The following SMC1A variants were observed in gnomAD, a reference collection of about 807,000 sequenced individuals.
SMC1A encodes structural maintenance of chromosomes protein 1A.
Under a neutral mutation model 94.5 loss-of-function variants are expected in SMC1A, and 4 were observed. The ratio of observed to expected loss-of-function variants is 0.04; its 90% CI spans 0.02 to 0.10. SMC1A has a LOEUF of 0.10. Among genes scored for constraint, SMC1A ranks in the 10% least tolerant of loss-of-function variants. SMC1A has a pLI of 1.00. For synonymous variants in SMC1A, 345 were observed against 347.7 expected, an observed-to-expected ratio of 0.99 and a Z score of 0.09; for missense variants, 304 against 989.0, an observed-to-expected ratio of 0.31 and a Z score of 9.29.
At chrX:53,416,310 AAAAAT>A (rs1310647345) in intron 1 of SMC1A, among the ~76,000 whole-genome samples, 5 of 106,542 alleles carry the variant, frequency 4.7e-5, no homozygotes, top group African/African-American at 1.0e-4. Context: ...CTCAAAAAAA[AAAAAT>A]AAAATAAAAT....
intron 7 of SMC1A, among the ~76,000 whole-genome samples, chrX:53,410,069 G>A (rs1024901203): frequency 6.3e-5 from 7 of 111,506 alleles, no homozygotes; most frequent in Admixed American, 1.9e-4. Context: ...GTACACTCCT[G>A]GGACACTATG....
In SMC1A at chrX:53,379,386, C is replaced by T. The variant is rs1275206693; in HGVS notation, c.*717G>A. On this transcript the variant is annotated 3_prime_UTR_variant, in exon 25 of 25. Transcript: ENST00000322213. ...CTCCAGGAAGCCTAGAGGGGATCAC[C>T]CACTTCTCAAATTCAAAGTACATAT... 1 of 111,713 alleles carries T rather than the reference C, an allele frequency of 9.0e-6. No individual in the cohort carries two copies. The highest frequency in any genetic ancestry group is 2.8e-4 in the East Asian group (1 of 3,553). The allele number at this position is 111,713 out of a possible 1,213,427, so 9.2% of individuals were successfully genotyped here. A position where few individuals can be genotyped will look rare whatever the true frequency, so the allele number is the denominator to read the frequency against.
chrX:53,422,533 G>A lies in SMC1A; in HGVS notation c.68C>T (p.Pro23Leu). The change falls in exon 1 of 25, where the codon CCA (proline) becomes CTA (leucine). Residue 23 changes from proline to leucine, a missense_variant. Physicochemically the swap from Pro to Leu is moderately conservative, Grantham distance 98. This residue lies in a region of SMC1A where 8 missense variants were observed against 58.2 expected (regional missense o/e 0.14). Coordinates refer to ENST00000322213, the MANE Select transcript of SMC1A (RefSeq NM_006306.4). ...KSYKGRQIIG[P>L]FQRFTAIIGP... ...AATGATGGCGGTGAACCTCTGAAAT[G>A]GTCCGATAATCTGTCGACCCTTGTA... 8.3e-7 allele frequency: 1 copy of A among 1,206,555 alleles called. No homozygotes were observed. Among genetic ancestry groups the A allele is most frequent in the Non-Finnish European group, 1.1e-6 (1 of 890,584 alleles).
At chrX:53,385,255 G>A (rs781866083) in intron 19 of SMC1A, among the ~76,000 whole-genome samples, 814 of 77,686 alleles carry the variant, frequency 0.01, 6 homozygotes, top group Non-Finnish European at 0.021. Flanking sequence ...CTCCAGAATA[G>A]GTTTTTTTTT....
intron 24 of SMC1A, 46 bp downstream of exon 24, chrX:53,380,574 A>G: frequency 1.2e-6 from 1 of 855,550 alleles, no homozygotes; most frequent in Non-Finnish European, 1.7e-6. Flanking sequence ...TGCCCTGGGA[A>G]ATCAGGCAGG....
In SMC1A at chrX:53,403,899, G is replaced by A; in HGVS notation, c.2197-6C>T. On this transcript the variant is annotated splice_region_variant and splice_polypyrimidine_tract_variant and intron_variant, in intron 13 of 24. Coordinates refer to ENST00000322213, the MANE Select transcript of SMC1A (RefSeq NM_006306.4). ...CTCTCCAGCTTGGATTTTTCCTACAGGCAATGGGTTGAGAGGACAAAGCAG... is the reference window on the plus strand; with the variant it reads ...CTCTCCAGCTTGGATTTTTCCTACAAGCAATGGGTTGAGAGGACAAAGCAG... 1 of 1,158,810 alleles carries A rather than the reference G, an allele frequency of 8.6e-7. No individual in the cohort carries two copies. Among genetic ancestry groups the A allele is most frequent in the Non-Finnish European group, 1.2e-6 (1 of 847,117 alleles).
At chrX:53,413,851 CA>C (rs2146605939) in intron 3 of SMC1A, among the ~76,000 whole-genome samples, 1 of 110,707 alleles carries the variant, frequency 9.0e-6, no homozygotes, top group South Asian at 3.8e-4. Context: ...CTGAGGCAGG[CA>C]GATCACCTGA....
intron 1 of SMC1A, among the ~76,000 whole-genome samples, chrX:53,416,184 T>G (rs1407224784): frequency 1.9e-5 from 2 of 104,873 alleles, no homozygotes; most frequent in Non-Finnish European, 3.9e-5. Flanking sequence ...GCGCCTGTAA[T>G]CCCAGCTACT....
At chrX:53,381,992 G>A in intron 22 of SMC1A, 1 of 438,623 alleles carries the variant, frequency 2.3e-6, no homozygotes, top group Non-Finnish European at 4.0e-6. Flanking sequence ...CAAAAGCCTG[G>A]AGGCGGAACT....
At chrX:53,390,295 G>T (rs1197638854) in intron 19 of SMC1A, among the ~76,000 whole-genome samples, 3 of 107,812 alleles carry the variant, frequency 2.8e-5, no homozygotes, top group Non-Finnish European at 5.8e-5. Flanking sequence ...AGAACAGCTT[G>T]GCCAACACAG....
At chrX:53,421,253 A>G (rs2075754147) in intron 1 of SMC1A, among the ~76,000 whole-genome samples, 1 of 112,151 alleles carries the variant, frequency 8.9e-6, no homozygotes. Flanking sequence ...AGCAATGTCT[A>G]GAGACAGTTT....
At chrX:53,420,432 G>A (rs2075750168) in intron 1 of SMC1A, among the ~76,000 whole-genome samples, 1 of 106,426 alleles carries the variant, frequency 9.4e-6, no homozygotes, top group Non-Finnish European at 1.9e-5. Flanking sequence ...GCTGAGGCAC[G>A]AGAATCACTT....
Position 53,400,064 on chromosome X carries a change from A to G in SMC1A, c.2421-334T>C, listed in dbSNP as rs189160201. Among the ~76,000 whole-genome samples, 10 of 112,014 alleles carry G rather than the reference A, an allele frequency of 8.9e-5. No homozygotes were observed. The East Asian group carries it at 2.8e-3, about 31-fold the overall frequency. ...ATAAAAGAGTCCATCTGATTCTACC[A>G]GCTATGGTAATTCCTATTAGGCTTC... On this transcript the variant is annotated intron_variant, in intron 15 of 24. Transcript: ENST00000322213.
At chrX:53,406,033 A>G (rs2075689783) in intron 9 of SMC1A, 77 bp from the exon 10 acceptor site, 2 of 931,884 alleles carry the variant, frequency 2.1e-6, no homozygotes, top group South Asian at 2.0e-5. Context: ...CCCAGTATGG[A>G]AAGGGGGACA....
At chrX:53,390,973 C>CAAAAAAAAAAAA in intron 19 of SMC1A, among the ~76,000 whole-genome samples, 1 of 34,323 alleles carries the variant, frequency 2.9e-5, no homozygotes, top group Non-Finnish European at 4.4e-5. Context: ...GACTCCGTCT[C>CAAAAAAAAAAAA]AAAAAAAAAA....
At position 53,374,764 on chromosome X, in the gene SMC1A, A is replaced by G. The variant is rs1258598395; in HGVS notation, c.*5339T>C. 1 of 112,257 alleles carries G rather than the reference A, an allele frequency of 8.9e-6. No individual in the cohort carries two copies. The highest frequency in any genetic ancestry group is 1.9e-5 in the Non-Finnish European group (1 of 53,147). 9.3% of individuals were successfully genotyped at this position (112,257 alleles called of 1,213,427 possible). A position where few individuals can be genotyped will look rare whatever the true frequency, so the allele number is the denominator to read the frequency against. On this transcript the variant is annotated 3_prime_UTR_variant, in exon 25 of 25. Transcript: ENST00000322213. ...CTGTGGCTCCGTGATCTCATTATAC[A>G]AATGTCTCATGACCTCTGCTTACTT...
intron 9 of SMC1A, among the ~76,000 whole-genome samples, chrX:53,406,403 A>T (rs1206499446): frequency 9.0e-6 from 1 of 111,594 alleles, no homozygotes; most frequent in Admixed American, 9.5e-5. Flanking sequence ...AAGAGAAGGG[A>T]GGTAAAGAAA....
intron 5 of SMC1A, 152 bp from the exon 6 acceptor site, chrX:53,412,405 A>T (rs1024978811): frequency 5.0e-5 from 28 of 559,254 alleles, no homozygotes; most frequent in Non-Finnish European, 7.9e-5. Flanking sequence ...ATCCTGAAAA[A>T]AAGGGGCAGT....
chrX:53,417,731 TTC>T (rs1308088520), intron 1 of SMC1A, among the ~76,000 whole-genome samples: 3 of 111,270 alleles, frequency 2.7e-5, no homozygotes, highest in African/African-American at 9.8e-5. Flanking sequence ...TGAGGAAATT[TTC>T]TTAGTTGTGA....
Sources: allele counts gnomAD v4.1 joint callset (sites outside exome capture counted in the v4.1 genomes callset), GRCh38; gene constraint gnomAD v4.1.1; regional missense constraint gnomAD v4.1.1; transcripts MANE v1.5; gene names NCBI Gene and HGNC (gene_info 2026-07-23, HGNC 2026-07-21).